CSMD1: variants seen among roughly 807,000 people sequenced by gnomAD.
CSMD1 encodes the protein CUB and sushi domain-containing protein 1.
CSMD1 carries 213 observed loss-of-function variants against 417.5 expected under a neutral mutation model. The ratio of observed to expected loss-of-function variants is 0.51; its 90% confidence interval spans 0.46 to 0.57. The LOEUF is 0.57. CSMD1 is among the 20% of genes least tolerant of loss of function. The pLI is 0.00. For missense variants in CSMD1, 6,923 were observed against 4,529.7 expected (o/e 1.53, Z -15.17); for synonymous variants, 2,862 against 1,736.8 (o/e 1.65, Z -16.11).
Position 4,022,639 on chromosome 8 carries a change from C to G in CSMD1, c.610+9266G>C, listed in dbSNP as rs955451476. 2.8e-4 allele frequency among the ~76,000 whole-genome samples: 43 copies of G among 152,132 alleles called. 1 individual carries two copies. The highest frequency in any genetic ancestry group is 1.3e-4 in the Non-Finnish European group (9 of 68,030). On this transcript the variant is annotated intron_variant, in intron 4 of 69. Transcript: ENST00000635120. ...GTCCTAGAAACCATTCTGGAACCCT[C>G]TGGGTGAGCGCTCAGGGAGAGAAAT...
intron 3 of CSMD1, among the ~76,000 whole-genome samples, chr8:4,055,582 T>C (rs1798649657): frequency 6.7e-6 from 1 of 149,726 alleles, no homozygotes; most frequent in Non-Finnish European, 1.5e-5. Context: ...CAAAATCAGC[T>C]AAGATTTAAT....
intron 7 of CSMD1, among the ~76,000 whole-genome samples, chr8:3,691,715 G>T (rs945842577): frequency 6.6e-6 from 1 of 152,048 alleles, no homozygotes; most frequent in African/African-American, 2.4e-5. Context: ...ACCCTATAAG[G>T]TAAATATTAT....
chr8:4,661,247 T>G (rs1804587750), intron 1 of CSMD1, among the ~76,000 whole-genome samples: 1 of 152,070 alleles, frequency 6.6e-6, no homozygotes, highest in Non-Finnish European at 1.5e-5. Context: ...CTAAATAAAT[T>G]GTGTTACATC....
rs181815459 is a variant in CSMD1, at chr8:4,079,990, T to G, written c.416-47891A>C. On this transcript the variant is annotated intron_variant, in intron 3 of 69. Transcript: ENST00000635120. The stretch of plus-strand genomic sequence containing the variant: ...TAATTTAAAGATTAAGAAAATTATG[T>G]TCGAATATTGGTGTTTTTTTTTTTT... 3.4e-3 allele frequency among the ~76,000 whole-genome samples: 514 copies of G among 151,026 alleles called. 1 individual carries two copies. Among genetic ancestry groups the G allele is most frequent in the Non-Finnish European group, 4.7e-3 (320 of 67,898 alleles).
chr8:4,776,165 C>A (rs528827844), intron 1 of CSMD1, among the ~76,000 whole-genome samples: 2 of 152,008 alleles, frequency 1.3e-5, no homozygotes, highest in African/African-American at 4.8e-5. Context: ...GATGAGGCGA[C>A]CCACATTAGT....
chr8:4,813,310 G>A (rs962900478), intron 1 of CSMD1, among the ~76,000 whole-genome samples: 6 of 151,970 alleles, frequency 3.9e-5, no homozygotes, highest in South Asian at 2.1e-4. Context: ...CCACAGAGCC[G>A]GGGCTGTGAT....
At chr8:4,488,298 A>T (rs1801517990) in intron 2 of CSMD1, among the ~76,000 whole-genome samples, 1 of 152,108 alleles carries the variant, frequency 6.6e-6, no homozygotes, top group Non-Finnish European at 1.5e-5. Context: ...ACTTCATATA[A>T]CCACAGGAGT....
At chr8:4,225,461 T>C (rs1300404869) in intron 3 of CSMD1, among the ~76,000 whole-genome samples, 2 of 151,474 alleles carry the variant, frequency 1.3e-5, no homozygotes, top group Non-Finnish European at 2.9e-5. Context: ...GAAATAACAA[T>C]AAAATACAAA....
intron 5 of CSMD1, among the ~76,000 whole-genome samples, chr8:3,872,144 T>C (rs1444248886): frequency 6.6e-6 from 1 of 152,236 alleles, no homozygotes; most frequent in Non-Finnish European, 1.5e-5. Context: ...TCATTTCATG[T>C]TGTTTTAACC....
chr8:3,606,784 C>A (rs1046782441), intron 8 of CSMD1, among the ~76,000 whole-genome samples: 12 of 151,202 alleles, frequency 7.9e-5, no homozygotes, highest in African/African-American at 2.7e-4. Context: ...GATCTCCACT[C>A]AGCGCAACCT....
chr8:4,640,664 A>C (rs1803131183), intron 1 of CSMD1, among the ~76,000 whole-genome samples: 1 of 152,120 alleles, frequency 6.6e-6, no homozygotes, highest in African/African-American at 2.4e-5. Context: ...TTTTAATTGA[A>C]TATTCTTAAT....
At chr8:4,823,832 T>A (rs921734960) in intron 1 of CSMD1, among the ~76,000 whole-genome samples, 3 of 151,456 alleles carry the variant, frequency 2.0e-5, no homozygotes, top group East Asian at 1.9e-4. Flanking sequence ...CTCACAGAGG[T>A]TGAAGATAAA....
chr8:3,991,976 C>A (rs767356804), intron 5 of CSMD1, among the ~76,000 whole-genome samples: 2 of 150,642 alleles, frequency 1.3e-5, no homozygotes, highest in African/African-American at 2.4e-5. Context: ...TGTTTTTTTA[C>A]AAAAAAAATA....
chr8:4,049,511 G>T lies in CSMD1; in HGVS notation c.416-17412C>A, dbSNP rs902720419. On this transcript the variant is annotated intron_variant, in intron 3 of 69. Coordinates refer to ENST00000635120, the MANE Select transcript of CSMD1 (RefSeq NM_033225.6). ...TTGAATCCCCTTTTTGAATAAGATT[G>T]GAATCTACACTTTGGTCTCTAGGGC... Among the ~76,000 whole-genome samples, 3 of 151,084 alleles carry T rather than the reference G, an allele frequency of 2.0e-5. No individual in the cohort carries two copies. In the South Asian group the frequency reaches 6.3e-4, roughly 32 times the overall value.
intron 10 of CSMD1, among the ~76,000 whole-genome samples, chr8:3,573,760 C>T (rs1800035966): frequency 1.3e-5 from 2 of 152,038 alleles, no homozygotes; most frequent in Non-Finnish European, 2.9e-5. Context: ...AGACACAGAA[C>T]TGTTAGTAAT....
chr8:3,774,104 C>T (rs981549959), intron 5 of CSMD1, among the ~76,000 whole-genome samples: 5 of 152,122 alleles, frequency 3.3e-5, no homozygotes, highest in Non-Finnish European at 7.3e-5. Flanking sequence ...TAAATATGTC[C>T]GCAACCCATT....
At chr8:4,898,473 C>T (rs904197157) in intron 1 of CSMD1, among the ~76,000 whole-genome samples, 2 of 152,116 alleles carry the variant, frequency 1.3e-5, no homozygotes, top group Non-Finnish European at 2.9e-5. Context: ...TGAGAGCCGA[C>T]CAAAATCCAA....
chr8:4,768,727 A>C (rs1796450282), intron 1 of CSMD1, among the ~76,000 whole-genome samples: 1 of 152,196 alleles, frequency 6.6e-6, no homozygotes, highest in South Asian at 2.1e-4. Context: ...CAAACTCCCC[A>C]GGAGTGTCCC....
chr8:4,085,918 G>C (rs1476904025), intron 3 of CSMD1, among the ~76,000 whole-genome samples: 2 of 152,128 alleles, frequency 1.3e-5, no homozygotes, highest in African/African-American at 2.4e-5. Context: ...ATTGCGTAAG[G>C]ATGGAAGGGG....
Sources: allele counts gnomAD v4.1 joint callset (sites outside exome capture counted in the v4.1 genomes callset), GRCh38; gene constraint gnomAD v4.1.1; transcripts MANE v1.5; gene names NCBI Gene and HGNC (gene_info 2026-07-23, HGNC 2026-07-21).